EPHA6: variants seen among roughly 807,000 people sequenced by gnomAD.
EPHA6 encodes the protein EPH receptor A6.
Under a neutral mutation model 112.0 loss-of-function variants are expected in EPHA6, and 50 were observed. The observed-to-expected ratio is 0.45, with a 90% CI of 0.36 to 0.56. The LOEUF (loss-of-function observed/expected upper bound fraction) is 0.56, where lower values mean the gene tolerates loss of function less well. EPHA6 is among the 20% of genes least tolerant of loss of function. The pLI, the probability that EPHA6 is intolerant of heterozygous loss-of-function variation, is 0.00. For synonymous variants in EPHA6, 529 were observed against 490.7 expected (o/e 1.08, Z -1.03); for missense variants, 1,280 against 1,417.4 (o/e 0.90, Z 1.56).
intron 2 of EPHA6, among the ~76,000 whole-genome samples, chr3:96,894,757 G>A (rs1407305574): frequency 1.3e-5 from 2 of 152,064 alleles, no homozygotes; most frequent in Non-Finnish European, 2.9e-5. Flanking sequence ...CCTCTTATAG[G>A]TGGTTCCTGA....
rs565064067 is a variant in EPHA6 at position 97,347,752 on chromosome 3, C to T, written c.1607-57398C>T. Among the ~76,000 whole-genome samples the T allele has an allele frequency of 1.5e-3, 222 of 152,116 alleles. 1 individual carries two copies. Among genetic ancestry groups the T allele is most frequent in the African/African-American group, 5.1e-3 (211 of 41,526 alleles). Reference sequence around the variant, plus strand: ...AACTTTCTTGGTGAAATTTTCCATGCCCTTCTGAAGTATTTTGTCAACTGA... The same window carrying T: ...AACTTTCTTGGTGAAATTTTCCATGTCCTTCTGAAGTATTTTGTCAACTGA... On this transcript the variant is annotated intron_variant, in intron 5 of 17. Transcript: ENST00000389672.
chr3:97,738,290 T>C (rs2035360366), intron 16 of EPHA6, among the ~76,000 whole-genome samples: 1 of 151,944 alleles, frequency 6.6e-6, no homozygotes, highest in Non-Finnish European at 1.5e-5. Context: ...AAAGAGCTAG[T>C]AGTGAGTCTG....
chr3:97,633,499 C>T (rs1438932874), intron 13 of EPHA6, among the ~76,000 whole-genome samples: 1 of 151,972 alleles, frequency 6.6e-6, no homozygotes, highest in East Asian at 1.9e-4. Context: ...TTTCTTCTCC[C>T]CTCATAAACA....
At chr3:96,911,880 G>T (rs2039233705) in intron 2 of EPHA6, among the ~76,000 whole-genome samples, 1 of 151,692 alleles carries the variant, frequency 6.6e-6, no homozygotes, top group Non-Finnish European at 1.5e-5. Flanking sequence ...ACACATTTTT[G>T]ATACTATTTT....
chr3:96,822,562 A>G (rs1057370816), intron 1 of EPHA6, among the ~76,000 whole-genome samples: 1 of 151,816 alleles, frequency 6.6e-6, no homozygotes, highest in Non-Finnish European at 1.5e-5. Context: ...ATCAGAGGAA[A>G]TATGAAATAA....
chr3:97,688,036 G>A (rs1481131077), intron 14 of EPHA6, among the ~76,000 whole-genome samples: 2 of 152,152 alleles, frequency 1.3e-5, no homozygotes, highest in African/African-American at 2.4e-5. Context: ...AGTGAGGCGG[G>A]GAAATATGCT....
chr3:97,238,089 A>G (rs1171504967), intron 4 of EPHA6, among the ~76,000 whole-genome samples: 1 of 152,000 alleles, frequency 6.6e-6, no homozygotes, highest in East Asian at 1.9e-4. Context: ...CCAAGCTAAA[A>G]TTATGTACAT....
chr3:97,691,999 A>G lies in EPHA6; in HGVS notation c.2785-28262A>G, dbSNP rs137881804. On this transcript the variant is annotated intron_variant, in intron 14 of 17. Coordinates refer to ENST00000389672, the MANE Select transcript of EPHA6 (RefSeq NM_001080448.3). ...GCTTATTTTCATGCTTTGACCAACA[A>G]TCATGGTCTTCCCTTGGATCTGAGT... Among the ~76,000 whole-genome samples, 114 of 152,326 alleles carry G rather than the reference A, an allele frequency of 7.5e-4. 7 individuals carry two copies. The East Asian group carries it at 0.011, about 14-fold the overall frequency.
intron 3 of EPHA6, 120 bp downstream of exon 3, chr3:96,988,113 C>A (rs549065520): frequency 2.8e-6 from 2 of 716,528 alleles, no homozygotes; most frequent in African/African-American, 1.8e-5. Flanking sequence ...TGTTTTGATA[C>A]ATATAATGTA....
chr3:97,188,119 T>G (rs1295314385), intron 3 of EPHA6, among the ~76,000 whole-genome samples: 2 of 152,124 alleles, frequency 1.3e-5, no homozygotes, highest in Non-Finnish European at 2.9e-5. Flanking sequence ...TTCTTATTTT[T>G]CCAGGAAAAT....
At chr3:97,249,810 A>G (rs1351855966) in intron 5 of EPHA6, among the ~76,000 whole-genome samples, 1 of 152,158 alleles carries the variant, frequency 6.6e-6, no homozygotes, top group Non-Finnish European at 1.5e-5. Context: ...TTAACTTTTC[A>G]TTTGCTGAAT....
intron 7 of EPHA6, among the ~76,000 whole-genome samples, chr3:97,455,865 GAT>G (rs1192238990): frequency 1.3e-5 from 2 of 151,160 alleles, no homozygotes; most frequent in African/African-American, 2.4e-5. Context: ...AAAAAAAAAA[GAT>G]ATTTTATTTC....
chr3:97,291,822 T>A (rs200265350), intron 5 of EPHA6, among the ~76,000 whole-genome samples: 25 of 152,336 alleles, frequency 1.6e-4, no homozygotes, highest in Non-Finnish European at 3.4e-4. Flanking sequence ...TACATAAGTG[T>A]CATGGGATCT....
chr3:97,313,181 G>C (rs922244446), intron 5 of EPHA6, among the ~76,000 whole-genome samples: 1 of 151,240 alleles, frequency 6.6e-6, no homozygotes, highest in African/African-American at 2.4e-5. Flanking sequence ...GTGTTTCTTT[G>C]TCTGGCTTAT....
chr3:97,565,377 G>C (rs944917654), intron 11 of EPHA6, among the ~76,000 whole-genome samples: 1 of 152,134 alleles, frequency 6.6e-6, no homozygotes, highest in Non-Finnish European at 1.5e-5. Context: ...GAATAACTAT[G>C]TGTATGACAA....
chr3:96,843,183 A>T (rs778044332), intron 1 of EPHA6, among the ~76,000 whole-genome samples: 65 of 152,138 alleles, frequency 4.3e-4, no homozygotes, highest in Non-Finnish European at 8.4e-4. Flanking sequence ...TATATTTGTT[A>T]ATAAAAATAC....
chr3:97,564,323 T>C (rs991531040), intron 11 of EPHA6, among the ~76,000 whole-genome samples: 14 of 152,282 alleles, frequency 9.2e-5, no homozygotes, highest in Admixed American at 7.2e-4. Context: ...CTTTTCATTG[T>C]TGTTTAATAC....
At chr3:97,434,965 T>A (rs1439966437) in intron 6 of EPHA6, among the ~76,000 whole-genome samples, 2 of 151,678 alleles carry the variant, frequency 1.3e-5, no homozygotes, top group Non-Finnish European at 2.9e-5. Context: ...ATCTTGGGCT[T>A]CCACATAGCG....
intron 14 of EPHA6, among the ~76,000 whole-genome samples, chr3:97,652,456 CAGGAT>C (rs2094113678): frequency 6.6e-6 from 1 of 151,904 alleles, no homozygotes. Context: ...AGAAATAAAT[CAGGAT>C]TTATATGTCA....
Sources: gnomAD v4.1 joint callset for allele counts (sites outside exome capture counted in the v4.1 genomes callset) on GRCh38, gnomAD v4.1.1 for gene constraint, MANE v1.5 for transcripts, NCBI Gene and HGNC (gene_info 2026-07-23, HGNC 2026-07-21) for gene names.